The following IRF2 variants were observed in gnomAD, a reference collection of about 807,000 sequenced individuals.
IRF2 encodes the protein interferon regulatory factor 2.
In IRF2, 15 loss-of-function variants were observed where a neutral mutation model predicts 40.6. The observed-to-expected ratio is 0.37, with a 90% confidence interval of 0.25 to 0.57. IRF2 has a LOEUF of 0.57. IRF2 is among the 20% of genes least tolerant of loss of function. The pLI, the probability that IRF2 is intolerant of heterozygous loss-of-function variation, is 0.77. For missense variants in IRF2, 317 were observed against 455.7 expected (o/e 0.70, Z 2.77); for synonymous variants, 151 against 165.5 (o/e 0.91, Z 0.67).
At chr4:184,416,956 G>A (rs773122703) in intron 5 of IRF2, among the ~76,000 whole-genome samples, 3 of 152,156 alleles carry the variant, frequency 2.0e-5, no homozygotes, top group African/African-American at 4.8e-5. Flanking sequence ...TGAGGCAGGA[G>A]AATCGCTTGA....
chr4:184,394,444 A>T (rs1000997111), intron 7 of IRF2, among the ~76,000 whole-genome samples: 2 of 152,214 alleles, frequency 1.3e-5, no homozygotes, highest in Admixed American at 6.5e-5. Flanking sequence ...TTGTTCAGCA[A>T]GTTTGATTTG....
At chr4:184,436,211 G>C (rs994012858) in intron 1 of IRF2, among the ~76,000 whole-genome samples, 1 of 152,128 alleles carries the variant, frequency 6.6e-6, no homozygotes, top group Non-Finnish European at 1.5e-5. Flanking sequence ...TCTTGACCTC[G>C]TGATCCGCCC....
At chr4:184,426,824 G>A (rs1737691692) in intron 2 of IRF2, among the ~76,000 whole-genome samples, 1 of 152,182 alleles carries the variant, frequency 6.6e-6, no homozygotes, top group Non-Finnish European at 1.5e-5. Context: ...GAACACAGGA[G>A]CATTTGCTTT....
chr4:184,411,768 A>G (rs1737081332), intron 5 of IRF2, among the ~76,000 whole-genome samples: 1 of 152,074 alleles, frequency 6.6e-6, no homozygotes, highest in Non-Finnish European at 1.5e-5. Flanking sequence ...AAATAAACAC[A>G]GAGATCCTGC....
intron 6 of IRF2, among the ~76,000 whole-genome samples, chr4:184,405,313 C>T (rs542188591): frequency 1.1e-4 from 17 of 152,176 alleles, no homozygotes; most frequent in South Asian, 4.1e-4. Context: ...GATCTGGGAG[C>T]GGAAGTGTGG....
At chr4:184,468,540 C>T (rs1268557448) in intron 1 of IRF2, among the ~76,000 whole-genome samples, 1 of 152,096 alleles carries the variant, frequency 6.6e-6, no homozygotes, top group Non-Finnish European at 1.5e-5. Flanking sequence ...ACATGAGTCC[C>T]ATTTCTGTAT....
chr4:184,418,953 T>C (rs1320961493), intron 3 of IRF2, among the ~76,000 whole-genome samples: 1 of 152,170 alleles, frequency 6.6e-6, no homozygotes, highest in Non-Finnish European at 1.5e-5. Flanking sequence ...CTGGTTCTAC[T>C]GAACAGCTTG....
At chr4:184,453,158 A>T (rs1044747602) in intron 1 of IRF2, among the ~76,000 whole-genome samples, 1 of 152,274 alleles carries the variant, frequency 6.6e-6, no homozygotes, top group Non-Finnish European at 1.5e-5. Context: ...CCTTCCAGAT[A>T]CATTTAAATT....
intron 1 of IRF2, among the ~76,000 whole-genome samples, chr4:184,464,181 T>C (rs1456707112): frequency 6.6e-6 from 1 of 151,660 alleles, no homozygotes; most frequent in African/African-American, 2.4e-5. Flanking sequence ...TAGGAAGATA[T>C]GAAGATAGGG....
intron 5 of IRF2, among the ~76,000 whole-genome samples, chr4:184,417,320 TA>T (rs1196979839): frequency 6.6e-6 from 1 of 152,114 alleles, no homozygotes. Context: ...TAGTTAAAAA[TA>T]AAAACTAGTA....
chr4:184,451,319 T>C (rs1228561697), intron 1 of IRF2, among the ~76,000 whole-genome samples: 1 of 152,208 alleles, frequency 6.6e-6, no homozygotes, highest in African/African-American at 2.4e-5. Flanking sequence ...CATGCAAAAG[T>C]CCAAAGTTGC....
At chr4:184,447,255 G>C (rs1441583080) in intron 1 of IRF2, among the ~76,000 whole-genome samples, 6 of 152,188 alleles carry the variant, frequency 3.9e-5, no homozygotes, top group African/African-American at 1.4e-4. Flanking sequence ...AACCCAACCT[G>C]ATGGAGCTCC....
rs1325640933 is a variant in IRF2 at position 184,407,384 on chromosome 4, T to C, written c.529+774A>G. Reference sequence around the variant, plus strand: ...GGCACTATTCCTGTGCATCTGGCCATACAGGAGAGAAGGAACATCAGAAGA... The same window carrying C: ...GGCACTATTCCTGTGCATCTGGCCACACAGGAGAGAAGGAACATCAGAAGA... On this transcript the variant is annotated intron_variant, in intron 6 of 8. Transcript: ENST00000393593. 2.7e-5 allele frequency: 12 copies of C among 452,382 alleles called. No individual in the cohort carries two copies. The East Asian group carries it at 7.3e-4, about 28-fold the overall frequency. 28.0% of individuals were successfully genotyped at this position (452,382 alleles called of 1,614,324 possible).
chr4:184,439,570 G>A (rs549492124), intron 1 of IRF2, among the ~76,000 whole-genome samples: 2 of 152,178 alleles, frequency 1.3e-5, no homozygotes, highest in African/African-American at 4.8e-5. Flanking sequence ...ATCATTAATG[G>A]AATAGAAACG....
chr4:184,472,761 T>A (rs970099252), intron 1 of IRF2, among the ~76,000 whole-genome samples: 1 of 152,022 alleles, frequency 6.6e-6, no homozygotes, highest in Non-Finnish European at 1.5e-5. Context: ...CTGAGCTACC[T>A]CGGCCGCCAG....
At chr4:184,441,448 G>C (rs1030277828) in intron 1 of IRF2, among the ~76,000 whole-genome samples, 2 of 152,188 alleles carry the variant, frequency 1.3e-5, no homozygotes, top group South Asian at 2.1e-4. Flanking sequence ...ATACCTGCTC[G>C]TGACACCCCT....
intron 1 of IRF2, among the ~76,000 whole-genome samples, chr4:184,473,469 C>T (rs1397619801): frequency 2.0e-5 from 3 of 147,672 alleles, no homozygotes; most frequent in Non-Finnish European, 4.5e-5. Flanking sequence ...TCCTGGGACG[C>T]GCCGCCCGAG....
rs779336437 is a variant in IRF2 at position 184,388,982 on chromosome 4, C to A, written c.826G>T (p.Gly276Cys). ...MGTRGSYLLP[G>C]MASFVTSNKP... ...TTGGAAGTGACGAAGGACGCCATGC[C>A]GGGCAGCAGGTAGGAGCCTCGAGTC... The change falls in exon 9 of 9, where the codon GGC becomes TGC. Residue 276 changes from glycine (G) to cysteine (C), a missense_variant. By Grantham distance (159) the Gly-to-Cys change is radical (BLOSUM62 -3). Transcript: ENST00000393593. This position sits in a 1 kb window ranked among gnomAD's most constrained non-coding sequence, Gnocchi z 4.6. The A allele has an allele frequency of 1.2e-6, 2 of 1,614,174 alleles. No homozygotes were observed. Among genetic ancestry groups the A allele is most frequent in the East Asian group, 4.5e-5 (2 of 44,884 alleles).
intron 1 of IRF2, among the ~76,000 whole-genome samples, chr4:184,443,906 C>T (rs1738405990): frequency 6.6e-6 from 1 of 152,210 alleles, no homozygotes; most frequent in Non-Finnish European, 1.5e-5. Context: ...TAATGGTGAT[C>T]AATCATGTCT....
Sources: gnomAD v4.1 joint callset for allele counts (sites outside exome capture counted in the v4.1 genomes callset) on GRCh38, gnomAD v4.1.1 for gene constraint, Gnocchi (gnomAD v3.1) non-coding constraint, MANE v1.5 for transcripts, NCBI Gene and HGNC (gene_info 2026-07-23, HGNC 2026-07-21) for gene names.